PUDP: variants seen among roughly 807,000 people sequenced by gnomAD.
The protein encoded by PUDP is pseudouridine 5'-phosphatase, also known as pseudouridine-5'-phosphatase.
PUDP carries 8 observed loss-of-function variants against 9.4 expected under a neutral mutation model. The ratio of observed to expected loss-of-function variants is 0.85; its 90% CI spans 0.50 to 1.53. The LOEUF (loss-of-function observed/expected upper bound fraction) is 1.53. Among genes scored for constraint, PUDP ranks in the 40% most tolerant of loss-of-function variants. The pLI is 0.00. For synonymous variants in PUDP, 99 were observed against 80.7 expected (o/e 1.23, Z -1.22); for missense variants, 188 against 189.7 (o/e 0.99, Z 0.05).
At chrX:6,879,737 T>C (rs752142602) in intron 3 of PUDP, among the ~76,000 whole-genome samples, 1 of 111,557 alleles carries the variant, frequency 9.0e-6, no homozygotes, top group East Asian at 2.8e-4. Flanking sequence ...AGCAAGCCAC[T>C]CTTCCAAGGC....
chrX:7,125,062 C>T (rs779998711), intron 1 of PUDP, among the ~76,000 whole-genome samples: 21 of 108,926 alleles, frequency 1.9e-4, no homozygotes, highest in African/African-American at 5.4e-4. Context: ...AACTTTTAAA[C>T]GTTTCATTCA....
At chrX:7,074,237 T>G (rs1930827866) in intron 3 of PUDP, among the ~76,000 whole-genome samples, 1 of 112,337 alleles carries the variant, frequency 8.9e-6, no homozygotes, top group Non-Finnish European at 1.9e-5. Flanking sequence ...CATGGTGGTG[T>G]GTGCCTATGG....
At chrX:6,892,129 T>G (rs1479606903) in intron 3 of PUDP, among the ~76,000 whole-genome samples, 1 of 112,264 alleles carries the variant, frequency 8.9e-6, no homozygotes, top group Non-Finnish European at 1.9e-5. Flanking sequence ...ACAAATGCAT[T>G]TTTTAGAATT....
intron 2 of PUDP, among the ~76,000 whole-genome samples, chrX:7,095,288 T>C (rs1248551175): frequency 1.2e-4 from 13 of 112,310 alleles, no homozygotes; most frequent in South Asian, 7.5e-4. Flanking sequence ...CAGTCCTACC[T>C]GCCATTCCCT....
At chrX:7,042,932 T>C (rs940067408) in intron 1 of PUDP, among the ~76,000 whole-genome samples, 3 of 111,820 alleles carry the variant, frequency 2.7e-5, no homozygotes, top group Non-Finnish European at 5.6e-5. Flanking sequence ...CCAACTATAT[T>C]ACAAGTTCCA....
rs778490854 is a variant in PUDP, at chrX:6,753,102, T to C, written c.*248-46636A>G. Among the ~76,000 whole-genome samples, 18 of 111,046 alleles carry C rather than the reference T, an allele frequency of 1.6e-4. No individual in the cohort carries two copies. In the South Asian group the frequency reaches 6.6e-3, roughly 41 times the overall value. On this transcript the variant is annotated intron_variant and NMD_transcript_variant, in intron 3 of 3. Transcript: ENST00000655425. ...AGCAGTATATGCTGCACCCTATTTG[T>C]GGTCTTTCATCTCTCACACCCTTCC...
intron 1 of PUDP, among the ~76,000 whole-genome samples, chrX:7,030,042 G>C (rs1209132582): frequency 9.1e-6 from 1 of 109,757 alleles, no homozygotes; most frequent in African/African-American, 3.3e-5. Context: ...ATGCTGAGGA[G>C]GCTGGAGGAT....
rs750357895 is a variant in PUDP, at chrX:7,120,330, G to GGA, written c.62-14494_62-14493dup. 3.8e-3 allele frequency among the ~76,000 whole-genome samples: 425 copies of GGA among 110,983 alleles called. 2 individuals carry two copies. Among genetic ancestry groups the GGA allele is most frequent in the African/African-American group, 0.013 (409 of 30,539 alleles). On this transcript the variant is annotated intron_variant, in intron 1 of 3. Transcript: ENST00000381077. The stretch of plus-strand genomic sequence containing the variant: ...GGTCCTTATAAGAGGCGGCCAGGAG[G>GGA]GAGAGAGAGAAGGTATGAAGAGGAG...
chrX:6,733,830 T>C (rs1213260386), intron 3 of PUDP, among the ~76,000 whole-genome samples: 2 of 84,909 alleles, frequency 2.4e-5, no homozygotes, highest in African/African-American at 9.4e-5. Flanking sequence ...CAGGCTGGAG[T>C]GCAGTGACAG....
intron 3 of PUDP, among the ~76,000 whole-genome samples, chrX:6,960,040 C>T (rs1388675891): frequency 8.9e-6 from 1 of 112,297 alleles, no homozygotes; most frequent in Admixed American, 9.4e-5. Flanking sequence ...GAGAAATTTG[C>T]CTCAGAAGAA....
At chrX:6,901,799 T>G (rs1385542646) in intron 3 of PUDP, among the ~76,000 whole-genome samples, 1 of 112,748 alleles carries the variant, frequency 8.9e-6, no homozygotes, top group African/African-American at 3.2e-5. Context: ...ATTTTATAAT[T>G]TTTTAAATTC....
At chrX:7,040,697 A>G (rs1319825021) in intron 1 of PUDP, among the ~76,000 whole-genome samples, 1 of 111,921 alleles carries the variant, frequency 8.9e-6, no homozygotes, top group Non-Finnish European at 1.9e-5. Flanking sequence ...CTGATATTCA[A>G]GAAAGGCCCC....
At chrX:6,873,468 G>T (rs886076302) in intron 3 of PUDP, among the ~76,000 whole-genome samples, 1 of 111,718 alleles carries the variant, frequency 9.0e-6, no homozygotes, top group Non-Finnish European at 1.9e-5. Flanking sequence ...TGAGTAGTTC[G>T]CCCTGAAACC....
intron 3 of PUDP, among the ~76,000 whole-genome samples, chrX:6,892,444 C>T (rs551345165): frequency 1.8e-5 from 2 of 111,160 alleles, no homozygotes; most frequent in Admixed American, 9.6e-5. Flanking sequence ...AAAAGGCACA[C>T]CTTACATGGC....
At chrX:6,745,793 G>A (rs896544884) in intron 3 of PUDP, among the ~76,000 whole-genome samples, 2 of 111,584 alleles carry the variant, frequency 1.8e-5, no homozygotes, top group Non-Finnish European at 3.8e-5. Context: ...ACAGGCATGT[G>A]CTGCCATGCC....
chrX:6,800,355 T>C (rs188509315), intron 3 of PUDP, among the ~76,000 whole-genome samples: 2 of 111,800 alleles, frequency 1.8e-5, no homozygotes, highest in Admixed American at 9.5e-5. Context: ...AGAAGAAATC[T>C]CTCCATTTTC....
intron 3 of PUDP, among the ~76,000 whole-genome samples, chrX:6,969,593 G>A (rs1345665711): frequency 1.8e-5 from 2 of 112,117 alleles, no homozygotes; most frequent in Non-Finnish European, 3.8e-5. Context: ...AGCACATCTG[G>A]GCCCACAGGG....
At chrX:6,935,249 C>A (rs1255405723) in intron 3 of PUDP, among the ~76,000 whole-genome samples, 8 of 99,777 alleles carry the variant, frequency 8.0e-5, no homozygotes, top group African/African-American at 2.6e-4. Flanking sequence ...CTCTCCTCAG[C>A]AAATGTAAAA....
At chrX:6,840,832 G>T (rs912688946) in intron 3 of PUDP, among the ~76,000 whole-genome samples, 1 of 108,121 alleles carries the variant, frequency 9.2e-6, no homozygotes, top group East Asian at 2.9e-4. Flanking sequence ...AATGGGGATG[G>T]GGGGGTTGTG....
Sources: gnomAD v4.1 joint callset for allele counts (sites outside exome capture counted in the v4.1 genomes callset) on GRCh38, gnomAD v4.1.1 for gene constraint, MANE v1.5 for transcripts, NCBI Gene and HGNC (gene_info 2026-07-23, HGNC 2026-07-21) for gene names.